Variants in MCM8 observed in about 807,000 individuals in gnomAD.
The protein encoded by MCM8 is DNA helicase MCM8.
In MCM8, 85 loss-of-function variants were observed where a neutral mutation model predicts 98.9. That is an observed-to-expected ratio of 0.86 (90% CI 0.72 to 1.03). MCM8 has a LOEUF of 1.03. MCM8 is among the 50% of genes least tolerant of loss of function. The pLI is 0.00. For missense variants in MCM8, 951 were observed against 997.8 expected, an observed-to-expected ratio of 0.95 and a Z score of 0.63; for synonymous variants, 352 against 338.6, an observed-to-expected ratio of 1.04 and a Z score of -0.44.
At chr20:5,994,043 A>G in intron 18 of MCM8, 1 of 335,014 alleles carries the variant, frequency 3.0e-6, no homozygotes. Context: ...TAATTTCAAA[A>G]GTTAGCTTGA....
chr20:5,968,949 A>AT (rs2089340485), intron 10 of MCM8, among the ~76,000 whole-genome samples: 2 of 152,304 alleles, frequency 1.3e-5, no homozygotes, highest in African/African-American at 2.4e-5. Context: ...AAGTATAGGC[A>AT]TTTTTTGCTT....
intron 11 of MCM8, chr20:5,972,643 C>G (rs1446136943): frequency 1.5e-6 from 1 of 667,428 alleles, no homozygotes; most frequent in Admixed American, 2.3e-5. Flanking sequence ...CAACCTCCAC[C>G]TCCCAAGTTC....
chr20:5,971,069 C>T (rs1313219731), intron 10 of MCM8, among the ~76,000 whole-genome samples: 2 of 152,118 alleles, frequency 1.3e-5, no homozygotes, highest in African/African-American at 2.4e-5. Flanking sequence ...CCACCTTGGC[C>T]TCCCAGAGTG....
intron 15 of MCM8, 144 bp downstream of exon 15, chr20:5,985,144 CATCTGAAATA>C (rs1427006210): frequency 2.9e-6 from 2 of 682,248 alleles, no homozygotes; most frequent in Non-Finnish European, 4.8e-6. Context: ...ACGTAAACTT[CATCTGAAATA>C]ATCCAAGTCG....
At position 5,958,601 on chromosome 20, in the gene MCM8, A is replaced by G; in HGVS notation, c.664A>G (p.Arg222Gly). Residue 222 changes from arginine to glycine, a missense_variant, in exon 7 of 19, where the codon AGA becomes GGA. By Grantham distance (125) the Arg-to-Gly change is moderately radical. Coordinates refer to ENST00000610722, the MANE Select transcript of MCM8 (RefSeq NM_032485.6). ...TTACTATGGAAAATACATTGCTCTAAGAGGGACAGTGGTTCGTGTCAGTAA... is the reference window on the plus strand; with the variant it reads ...TTACTATGGAAAATACATTGCTCTAGGAGGGACAGTGGTTCGTGTCAGTAA... ...ANYYGKYIAL[R>G]GTVVRVSNIK... is the part of the protein sequence containing the mutation. 6.2e-7 allele frequency: 1 copy of G among 1,614,192 alleles called. No homozygotes were observed. The highest frequency in any genetic ancestry group is 2.2e-5 in the East Asian group (1 of 44,868).
chr20:5,980,576 A>G (rs1398131381), intron 13 of MCM8, among the ~76,000 whole-genome samples: 1 of 152,226 alleles, frequency 6.6e-6, no homozygotes, highest in Non-Finnish European at 1.5e-5. Flanking sequence ...TTCATTAACT[A>G]GAAGTAGAAG....
At position 5,977,862 on chromosome 20, in the gene MCM8, T is replaced by C. The variant is rs1221048871; in HGVS notation, c.1396-14T>C. Reference sequence around the variant, plus strand: ...TTACTTTGGATGATTCTCTTAAACTTTTTGTTTCCTTAGGCAGCGTGCAAT... The same window carrying C: ...TTACTTTGGATGATTCTCTTAAACTCTTTGTTTCCTTAGGCAGCGTGCAAT... On this transcript the variant is annotated splice_polypyrimidine_tract_variant and intron_variant, in intron 12 of 18. Transcript: ENST00000610722. 3 of 1,611,934 alleles carry C rather than the reference T, an allele frequency of 1.9e-6. No homozygotes were observed. The highest frequency in any genetic ancestry group is 2.5e-6 in the Non-Finnish European group (3 of 1,178,720).
chr20:5,971,824 CT>C (rs1317903700), intron 10 of MCM8, among the ~76,000 whole-genome samples, 182 bp from the exon 11 acceptor site: 1 of 152,106 alleles, frequency 6.6e-6, no homozygotes, highest in African/African-American at 2.4e-5. Context: ...AAATTCTAAC[CT>C]TTATAGATTA....
At chr20:5,981,107 A>C (rs6053811) in intron 13 of MCM8, among the ~76,000 whole-genome samples, 128,226 of 152,182 alleles carry the variant, frequency 0.84, 54,293 homozygotes, top group East Asian at 1. Flanking sequence ...ACTTCTGCAC[A>C]TTTGCAGAAA....
chr20:5,975,828 A>G (rs2089500181), intron 12 of MCM8, among the ~76,000 whole-genome samples: 1 of 150,958 alleles, frequency 6.6e-6, no homozygotes, highest in African/African-American at 2.4e-5. Context: ...TTCTTGGCAG[A>G]TAGTTGTTCT....
In MCM8 at chr20:5,950,776, C is replaced by G; in HGVS notation, c.-253C>G. On this transcript the variant is annotated 5_prime_UTR_variant, in exon 1 of 19. Transcript: ENST00000610722. ...CCTTCTGGAAGCTGCGGTGGGGAAA[C>G]TGAGTTTCCCGAGCCGTTGAGACAG... 5.8e-6 allele frequency: 1 copy of G among 171,126 alleles called. No homozygotes were observed. The highest frequency in any genetic ancestry group is 1.3e-5 in the Non-Finnish European group (1 of 79,802). The allele number at this position is 171,126 out of a possible 1,614,324, so 10.6% of individuals were successfully genotyped here.
intron 12 of MCM8, among the ~76,000 whole-genome samples, chr20:5,976,656 C>T (rs2089517689): frequency 6.6e-6 from 1 of 152,174 alleles, no homozygotes; most frequent in African/African-American, 2.4e-5. Context: ...TGCGCGTGCC[C>T]CCAGGAGCTG....
At chr20:5,986,244 A>C (rs951940576) in intron 16 of MCM8, 113 bp downstream of exon 16, 8 of 926,126 alleles carry the variant, frequency 8.6e-6, no homozygotes, top group East Asian at 2.6e-5. Context: ...TTCTATAGAG[A>C]GATGTTAGAA....
intron 2 of MCM8, 90 bp from the exon 3 acceptor site, chr20:5,952,334 C>G (rs765682791): frequency 1.4e-4 from 222 of 1,558,272 alleles, no homozygotes; most frequent in Non-Finnish European, 1.9e-4. Flanking sequence ...AATTTGGATA[C>G]TCTATTAATG....
At chr20:5,978,778 G>A (rs1001089613) in intron 13 of MCM8, among the ~76,000 whole-genome samples, 5 of 152,146 alleles carry the variant, frequency 3.3e-5, no homozygotes, top group African/African-American at 1.2e-4. Context: ...GGCTGGTCTT[G>A]AACTCCTGGC....
chr20:5,989,114 G>A (rs899743873), intron 17 of MCM8, among the ~76,000 whole-genome samples: 2 of 103,416 alleles, frequency 1.9e-5, no homozygotes, highest in Non-Finnish European at 1.7e-5. Flanking sequence ...TATCAATAGC[G>A]CAAGTCTTTT....
chr20:5,959,400 C>T (rs1227599871), intron 7 of MCM8, among the ~76,000 whole-genome samples: 1 of 152,176 alleles, frequency 6.6e-6, no homozygotes, highest in African/African-American at 2.4e-5. Flanking sequence ...TTCTTGACTA[C>T]ATGTGTAGAG....
rs771071615 is a variant in MCM8, at chr20:5,973,042, T to G, written c.1255-14T>G. Reference sequence around the variant, plus strand: ...TTCCTTACTTCTGTTTTTTGTTCTTTTTTCGCACTTGAGCTTGTTAAAGCA... The same window carrying G: ...TTCCTTACTTCTGTTTTTTGTTCTTGTTTCGCACTTGAGCTTGTTAAAGCA... On this transcript the variant is annotated splice_polypyrimidine_tract_variant and intron_variant, in intron 11 of 18. Coordinates refer to ENST00000610722, the MANE Select transcript of MCM8 (RefSeq NM_032485.6). 1.2e-6 allele frequency: 2 copies of G among 1,612,236 alleles called. No homozygotes were observed. The highest frequency in any genetic ancestry group is 1.1e-5 in the South Asian group (1 of 91,054).
At chr20:5,982,469 TTAG>T (rs1481927031) in intron 13 of MCM8, among the ~76,000 whole-genome samples, 2 of 152,120 alleles carry the variant, frequency 1.3e-5, no homozygotes, top group East Asian at 3.9e-4. Flanking sequence ...GTGCCTTTAG[TTAG>T]TGGTGGTGCA....
Sources: gnomAD v4.1 joint callset for allele counts (sites outside exome capture counted in the v4.1 genomes callset) on GRCh38, gnomAD v4.1.1 for gene constraint, MANE v1.5 for transcripts, NCBI Gene and HGNC (gene_info 2026-07-23, HGNC 2026-07-21) for gene names.